The following GMDS variants were observed in gnomAD, a reference collection of about 807,000 sequenced individuals.
GMDS encodes GDP-mannose 4,6 dehydratase.
In GMDS, 20 loss-of-function variants were observed where a neutral mutation model predicts 49.9. That is an observed-to-expected ratio of 0.40 (90% CI 0.28 to 0.58). GMDS has a LOEUF of 0.58. Among genes scored for constraint, GMDS ranks in the 20% least tolerant of loss-of-function variants. GMDS has a pLI of 0.42. For synonymous variants in GMDS, 177 were observed against 178.6 expected (o/e 0.99, Z 0.07); for missense variants, 362 against 481.4 (o/e 0.75, Z 2.32).
intron 1 of GMDS, among the ~76,000 whole-genome samples, chr6:2,172,810 TA>T (rs1778085391): frequency 6.6e-6 from 1 of 152,128 alleles, no homozygotes. Context: ...ACCTACTGTG[TA>T]GGAAAAACTT....
chr6:1,872,636 C>T (rs554489189), intron 7 of GMDS, among the ~76,000 whole-genome samples: 4 of 152,336 alleles, frequency 2.6e-5, no homozygotes, highest in South Asian at 2.1e-4. Context: ...ACACATGTGA[C>T]AAATTATTTA....
At chr6:1,893,434 C>T (rs771578352) in intron 7 of GMDS, among the ~76,000 whole-genome samples, 2 of 152,048 alleles carry the variant, frequency 1.3e-5, no homozygotes, top group Non-Finnish European at 1.5e-5. Flanking sequence ...TTAGGTGATC[C>T]GCCTGCCTCC....
intron 4 of GMDS, among the ~76,000 whole-genome samples, chr6:2,003,785 A>C (rs2127385419): frequency 6.6e-6 from 1 of 152,312 alleles, no homozygotes; most frequent in Non-Finnish European, 1.5e-5. Flanking sequence ...AGGTCAAGGA[A>C]ACAACTGCCC....
intron 7 of GMDS, among the ~76,000 whole-genome samples, chr6:1,865,681 T>TTTTA (rs1758408804): frequency 6.6e-6 from 1 of 152,172 alleles, no homozygotes; most frequent in South Asian, 2.1e-4. Flanking sequence ...TAACGCTGAA[T>TTTTA]TAAAGCACTT....
intron 1 of GMDS, among the ~76,000 whole-genome samples, chr6:2,183,317 T>C (rs1435194799): frequency 6.6e-6 from 1 of 151,928 alleles, no homozygotes; most frequent in Non-Finnish European, 1.5e-5. Context: ...AACATAAGTT[T>C]GGAACTTATT....
chr6:1,884,523 C>T (rs903403856), intron 7 of GMDS, among the ~76,000 whole-genome samples: 1 of 152,166 alleles, frequency 6.6e-6, no homozygotes, highest in Non-Finnish European at 1.5e-5. Flanking sequence ...GTGAAAACTT[C>T]GCAGATATTA....
intron 1 of GMDS, among the ~76,000 whole-genome samples, chr6:2,169,476 C>G (rs993474771): frequency 2.0e-5 from 3 of 151,870 alleles, no homozygotes; most frequent in Non-Finnish European, 4.4e-5. Context: ...GGTGTGGTGG[C>G]AAGCACCTGT....
chr6:1,916,163 T>A (rs1761380590), intron 7 of GMDS, among the ~76,000 whole-genome samples: 1 of 152,232 alleles, frequency 6.6e-6, no homozygotes, highest in East Asian at 1.9e-4. Flanking sequence ...ATGATGTTTT[T>A]GCTACCCCAT....
At chr6:2,044,717 T>A (rs1427862857) in intron 4 of GMDS, among the ~76,000 whole-genome samples, 1 of 152,096 alleles carries the variant, frequency 6.6e-6, no homozygotes, top group Non-Finnish European at 1.5e-5. Context: ...CTTTTAAAAG[T>A]TAAAAAAAAT....
chr6:1,709,906 T>C (rs1452663084), intron 9 of GMDS, among the ~76,000 whole-genome samples: 1 of 152,194 alleles, frequency 6.6e-6, no homozygotes. Flanking sequence ...TGAGGCAGGG[T>C]ATCTATGGAG....
At chr6:1,750,111 C>T (rs1019579934) in intron 7 of GMDS, among the ~76,000 whole-genome samples, 1 of 152,182 alleles carries the variant, frequency 6.6e-6, no homozygotes, top group Non-Finnish European at 1.5e-5. Flanking sequence ...GACTAAAGGA[C>T]TGAGCCACCA....
intron 4 of GMDS, among the ~76,000 whole-genome samples, chr6:1,971,153 G>C (rs1328723417): frequency 1.3e-5 from 2 of 152,124 alleles, no homozygotes; most frequent in Non-Finnish European, 2.9e-5. Flanking sequence ...AGCTATTCTG[G>C]AGCAAATTAT....
chr6:2,161,699 T>C (rs1051018814), intron 1 of GMDS, among the ~76,000 whole-genome samples: 2 of 152,188 alleles, frequency 1.3e-5, no homozygotes, highest in East Asian at 3.9e-4. Flanking sequence ...AACAAGGACC[T>C]ACGTGGGGCT....
intron 4 of GMDS, among the ~76,000 whole-genome samples, chr6:2,008,246 A>C (rs1359639415): frequency 6.6e-6 from 1 of 152,236 alleles, no homozygotes. Flanking sequence ...AAATTTCAGT[A>C]GGAAAGCATT....
chr6:1,757,144 GT>G (rs772331147), intron 7 of GMDS, among the ~76,000 whole-genome samples: 2 of 152,204 alleles, frequency 1.3e-5, no homozygotes, highest in Non-Finnish European at 2.9e-5. Flanking sequence ...TCAGCTTGCA[GT>G]TTTTAATTAA....
intron 7 of GMDS, among the ~76,000 whole-genome samples, chr6:1,779,049 G>A (rs984161150): frequency 3.3e-5 from 5 of 152,078 alleles, no homozygotes; most frequent in Non-Finnish European, 7.4e-5. Flanking sequence ...GAGCGCTCAA[G>A]TGGGGGTCTC....
At chr6:2,177,599 A>G (rs757271335) in intron 1 of GMDS, among the ~76,000 whole-genome samples, 3 of 152,210 alleles carry the variant, frequency 2.0e-5, no homozygotes, top group Non-Finnish European at 2.9e-5. Context: ...AAACCACATG[A>G]TCATCTCAAT....
chr6:1,970,554 T>C (rs1764540732), intron 4 of GMDS, among the ~76,000 whole-genome samples: 1 of 151,878 alleles, frequency 6.6e-6, no homozygotes, highest in East Asian at 1.9e-4. Context: ...TTCCAGGAAA[T>C]CCAAAGGCGA....
chr6:1,900,306 G>A (rs563156789), intron 7 of GMDS, among the ~76,000 whole-genome samples: 11 of 152,300 alleles, frequency 7.2e-5, no homozygotes, highest in African/African-American at 1.4e-4. Context: ...AATCTGAGGC[G>A]TTATCATGCA....
Sources: allele counts gnomAD v4.1 joint callset (sites outside exome capture counted in the v4.1 genomes callset), GRCh38; gene constraint gnomAD v4.1.1; transcripts MANE v1.5; gene names NCBI Gene and HGNC (gene_info 2026-07-23, HGNC 2026-07-21).